GRIP1: variants seen among roughly 807,000 people sequenced by gnomAD.
GRIP1 encodes the protein glutamate receptor interacting protein 1, also known as glutamate receptor-interacting protein 1.
Under a neutral mutation model 129.9 loss-of-function variants are expected in GRIP1, and 45 were observed. That is an observed-to-expected ratio of 0.35 (90% confidence interval 0.27 to 0.44). The LOEUF (loss-of-function observed/expected upper bound fraction) is 0.44. Among genes scored for constraint, GRIP1 ranks in the 20% least tolerant of loss-of-function variants. GRIP1 has a pLI of 1.00. For synonymous variants in GRIP1, 530 were observed against 520.8 expected, an observed-to-expected ratio of 1.02 and a Z score of -0.24; for missense variants, 1,196 against 1,396.8, an observed-to-expected ratio of 0.86 and a Z score of 2.29.
At chr12:67,003,342 T>G (rs1592453507) in intron 1 of GRIP1, among the ~76,000 whole-genome samples, 1 of 152,296 alleles carries the variant, frequency 6.6e-6, no homozygotes, top group South Asian at 2.1e-4. Context: ...TCCAATTAAC[T>G]TCCTGATTAA....
intron 1 of GRIP1, among the ~76,000 whole-genome samples, chr12:66,968,256 T>C (rs977733664): frequency 2.6e-5 from 4 of 152,184 alleles, no homozygotes; most frequent in African/African-American, 9.6e-5. Flanking sequence ...AAAATTAAGA[T>C]AGTGACTCCA....
Position 66,580,014 on chromosome 12 carries a change from C to T in GRIP1, c.136+16833G>A, listed in dbSNP as rs1465447474. Among the ~76,000 whole-genome samples, 52 of 148,344 alleles carry T rather than the reference C, an allele frequency of 3.5e-4. No individual in the cohort carries two copies. In the East Asian group the frequency reaches 8.5e-3, roughly 24 times the overall value. ...GTTAAGGGCAGCCAGAGAGAAAGGTCGGGTTACCCACAAAGGGAAGCCCAT... is the reference window on the plus strand; with the variant it reads ...GTTAAGGGCAGCCAGAGAGAAAGGTTGGGTTACCCACAAAGGGAAGCCCAT... On this transcript the variant is annotated intron_variant, in intron 2 of 24. Coordinates refer to ENST00000359742, the MANE Select transcript of GRIP1 (RefSeq NM_001366722.1).
chr12:66,427,766 C>T (rs2058030466), intron 14 of GRIP1, among the ~76,000 whole-genome samples: 1 of 152,118 alleles, frequency 6.6e-6, no homozygotes, highest in South Asian at 2.1e-4. Context: ...GAGAGTCACG[C>T]CTAAAGGCCA....
At chr12:66,774,182 G>A in intron 1 of GRIP1, among the ~76,000 whole-genome samples, 1 of 152,080 alleles carries the variant, frequency 6.6e-6, no homozygotes, top group East Asian at 1.9e-4. Flanking sequence ...TGTGACTAGG[G>A]AACAATCTTC....
At chr12:66,836,945 T>C (rs1478062088) in intron 1 of GRIP1, among the ~76,000 whole-genome samples, 1 of 152,184 alleles carries the variant, frequency 6.6e-6, no homozygotes, top group African/African-American at 2.4e-5. Flanking sequence ...GTTGTTGTTT[T>C]TTTCCCTCTT....
At chr12:66,370,324 C>A (rs777535237) in intron 23 of GRIP1, among the ~76,000 whole-genome samples, 27 of 152,186 alleles carry the variant, frequency 1.8e-4, no homozygotes, top group Admixed American at 5.2e-4. Flanking sequence ...GTAATACGTT[C>A]TTTGAGTGAA....
At chr12:66,945,216 T>C (rs536584523) in intron 1 of GRIP1, among the ~76,000 whole-genome samples, 5 of 152,294 alleles carry the variant, frequency 3.3e-5, no homozygotes, top group African/African-American at 9.6e-5. Flanking sequence ...GTTTGTTATC[T>C]AGGTAAATTG....
chr12:66,497,286 CA>C (rs1303125961), intron 7 of GRIP1, among the ~76,000 whole-genome samples: 2 of 152,134 alleles, frequency 1.3e-5, no homozygotes, highest in East Asian at 1.9e-4. Context: ...GGGAGTAAAA[CA>C]GGGAGACCTA....
intron 1 of GRIP1, among the ~76,000 whole-genome samples, chr12:66,821,685 G>A (rs1037351545): frequency 6.6e-6 from 1 of 152,058 alleles, no homozygotes; most frequent in African/African-American, 2.4e-5. Context: ...TCACACTTCT[G>A]GGTTTTGGAA....
chr12:66,388,293 A>G (rs887613162), intron 19 of GRIP1, among the ~76,000 whole-genome samples: 2 of 152,198 alleles, frequency 1.3e-5, no homozygotes, highest in Non-Finnish European at 2.9e-5. Flanking sequence ...TATAAAATAC[A>G]TTTGACATCT....
At chr12:67,029,158 C>T (rs997947951) in intron 1 of GRIP1, among the ~76,000 whole-genome samples, 14 of 152,106 alleles carry the variant, frequency 9.2e-5, no homozygotes, top group Non-Finnish European at 5.9e-5. Flanking sequence ...GTCACCCAGG[C>T]TGGAGTGCAG....
At chr12:66,662,396 G>C (rs1340420045) in intron 1 of GRIP1, among the ~76,000 whole-genome samples, 1 of 152,124 alleles carries the variant, frequency 6.6e-6, no homozygotes, top group Non-Finnish European at 1.5e-5. Context: ...TGGAAATCAT[G>C]CATAACCTGT....
At chr12:66,540,461 C>A (rs1333082203) in intron 3 of GRIP1, among the ~76,000 whole-genome samples, 4 of 145,564 alleles carry the variant, frequency 2.7e-5, no homozygotes, top group Non-Finnish European at 6.3e-5. Context: ...GAACCCCTAG[C>A]ATCATGAACT....
chr12:66,636,726 TG>T (rs1289190405), intron 1 of GRIP1, among the ~76,000 whole-genome samples: 2 of 108,794 alleles, frequency 1.8e-5, no homozygotes, highest in African/African-American at 3.3e-5. Context: ...TGTGTGTGTG[TG>T]TGTGTGTGTG....
At chr12:66,805,768 C>G (rs1038416586), upstream of GRIP1, among the ~76,000 whole-genome samples, 4 of 152,192 alleles carry the variant, frequency 2.6e-5, no homozygotes, top group Non-Finnish European at 5.9e-5. Flanking sequence ...ATTCATCAGC[C>G]AAGAACATAT....
intron 19 of GRIP1, among the ~76,000 whole-genome samples, chr12:66,389,346 G>A (rs1013173245): frequency 1.3e-5 from 2 of 152,144 alleles, no homozygotes; most frequent in African/African-American, 4.8e-5. Context: ...TCCTGCCTCA[G>A]CCTCCCGAGT....
At chr12:66,473,270 T>C (rs1382478371) in intron 7 of GRIP1, among the ~76,000 whole-genome samples, 1 of 152,162 alleles carries the variant, frequency 6.6e-6, no homozygotes, top group Non-Finnish European at 1.5e-5. Flanking sequence ...CCAGACTGCC[T>C]CTCTAGATTC....
intron 11 of GRIP1, among the ~76,000 whole-genome samples, chr12:66,450,246 G>C (rs1486990994): frequency 7.5e-6 from 1 of 133,502 alleles, no homozygotes; most frequent in Non-Finnish European, 1.5e-5. Flanking sequence ...GGAGCTTGCA[G>C]TGAGCGGAGA....
chr12:66,486,121 T>C (rs1442187918), intron 7 of GRIP1, among the ~76,000 whole-genome samples: 1 of 152,126 alleles, frequency 6.6e-6, no homozygotes, highest in African/African-American at 2.4e-5. Context: ...GGTTTTACTG[T>C]GTATTTAATT....
Sources: gnomAD v4.1 joint callset for allele counts (sites outside exome capture counted in the v4.1 genomes callset) on GRCh38, gnomAD v4.1.1 for gene constraint, MANE v1.5 for transcripts, NCBI Gene and HGNC (gene_info 2026-07-23, HGNC 2026-07-21) for gene names.